GTF3C2: variants seen among roughly 807,000 people sequenced by gnomAD.
The protein encoded by GTF3C2 is general transcription factor 3C polypeptide 2.
In GTF3C2, 17 loss-of-function variants were observed where a neutral mutation model predicts 117.4. The ratio of observed to expected loss-of-function variants is 0.14; its 90% CI spans 0.10 to 0.22. The LOEUF (loss-of-function observed/expected upper bound fraction) is 0.22. Ranked by LOEUF, GTF3C2 falls within the 10% of genes least tolerant of loss-of-function variation. GTF3C2 has a pLI of 1.00. For synonymous variants in GTF3C2, 437 were observed against 427.0 expected (o/e 1.02, Z -0.29); for missense variants, 888 against 1,143.6 (o/e 0.78, Z 3.22).
exon 3 of GTF3C2, chr2:27,342,883 G>T: frequency 6.2e-7 from 1 of 1,614,138 alleles, no homozygotes; most frequent in Non-Finnish European, 8.5e-7. Context: ...GTCCTCAGGG[G>T]GCCTCTTTGG....
At position 27,329,296 on chromosome 2, in the gene GTF3C2, G is replaced by C; in HGVS notation, c.1878-14C>G. The stretch of plus-strand genomic sequence containing the variant: ...ACAAGGAAATGGCTGTAAAAAGACG[G>C]GAGAAGGTCAAATCCAAACAAATCC... On this transcript the variant is annotated splice_polypyrimidine_tract_variant and intron_variant, in intron 13 of 18. Transcript: ENST00000264720. This position sits in a 1 kb window ranked among gnomAD's most constrained non-coding sequence, Gnocchi z 4.5. The C allele has an allele frequency of 6.2e-7, 1 of 1,614,104 alleles. No individual in the cohort carries two copies. The highest frequency in any genetic ancestry group is 8.5e-7 in the Non-Finnish European group (1 of 1,180,004).
intron 1 of GTF3C2, among the ~76,000 whole-genome samples, chr2:27,349,068 C>G (rs989352646): frequency 6.6e-6 from 1 of 151,564 alleles, no homozygotes; most frequent in Non-Finnish European, 1.5e-5. Flanking sequence ...AACTCCTGAC[C>G]TCAAGTGATC....
intron 12 of GTF3C2, 169 bp downstream of exon 12, chr2:27,333,486 G>A: frequency 1.7e-6 from 1 of 578,832 alleles, no homozygotes; most frequent in Non-Finnish European, 3.1e-6. Flanking sequence ...TTTTTTCTGA[G>A]TAGAAATAGT....
intron 10 of GTF3C2, chr2:27,335,263 AG>A: frequency 2.0e-6 from 1 of 500,626 alleles, no homozygotes; most frequent in East Asian, 5.9e-5. Context: ...ACAAGAGTAT[AG>A]CAGGGGAGAT....
rs1448376113 is a variant in GTF3C2, at chr2:27,353,895, A to AT, written c.-25+2843dup. On this transcript the variant is annotated intron_variant, in intron 1 of 18. Transcript: ENST00000264720. The stretch of plus-strand genomic sequence containing the variant: ...ACACCAGCAGGCCTAGCTAATTTTT[A>AT]TTTTTTTTGTAGAGACAGGGTCTCA... 4.0e-5 allele frequency among the ~76,000 whole-genome samples: 6 copies of AT among 151,296 alleles called. No homozygotes were observed. In the East Asian group the frequency reaches 5.8e-4, roughly 15 times the overall value.
rs545873225 is a variant in GTF3C2 at position 27,335,745 on chromosome 2, G to T, written c.1468-39C>A. ...GGTATGCTGAGGCTTGCTGCCTTCA[G>T]CTGACTCACAGAAAACCTTTGAGGT... On this transcript the variant is annotated intron_variant, in intron 9 of 18. Transcript: ENST00000264720. 22 of 1,375,172 alleles carry T rather than the reference G, an allele frequency of 1.6e-5. No homozygotes were observed. In the South Asian group the frequency reaches 2.7e-4, roughly 17 times the overall value. 85.2% of individuals were successfully genotyped at this position (1,375,172 alleles called of 1,614,324 possible).
chr2:27,338,460 GCACACACACACA>G (rs59913490), intron 4 of GTF3C2, among the ~76,000 whole-genome samples: 1 of 76,122 alleles, frequency 1.3e-5, no homozygotes, highest in Non-Finnish European at 3.5e-5. Context: ...GCGCACGCGC[GCACACACACACA>G]CACACACACA....
At chr2:27,355,516 G>GT (rs1286563787) in intron 1 of GTF3C2, among the ~76,000 whole-genome samples, 3 of 145,366 alleles carry the variant, frequency 2.1e-5, no homozygotes, top group South Asian at 2.1e-4. Context: ...ACAAAACTCC[G>GT]TATCAAAAAA....
intron 1 of GTF3C2, among the ~76,000 whole-genome samples, chr2:27,354,362 G>C (rs1681250614): frequency 6.6e-6 from 1 of 152,162 alleles, no homozygotes; most frequent in African/African-American, 2.4e-5. Flanking sequence ...ACGTCTACAG[G>C]AGAAAAACCT....
Position 27,355,881 on chromosome 2 carries a change from A to C in GTF3C2, c.-25+858T>G, listed in dbSNP as rs1464210540. On this transcript the variant is annotated intron_variant, in intron 1 of 18. Transcript: ENST00000264720. ...TAGTGCTTTTATTTCAACTTACATAAACAATTATAAGTAGCCCATGAAACC... is the reference window on the plus strand; with the variant it reads ...TAGTGCTTTTATTTCAACTTACATACACAATTATAAGTAGCCCATGAAACC... 2.6e-5 allele frequency among the ~76,000 whole-genome samples: 4 copies of C among 152,218 alleles called. No individual in the cohort carries two copies. In the East Asian group the frequency reaches 7.7e-4, roughly 29 times the overall value.
chr2:27,344,158 G>C (rs1680838619), intron 1 of GTF3C2, among the ~76,000 whole-genome samples: 1 of 151,882 alleles, frequency 6.6e-6, no homozygotes, highest in South Asian at 2.1e-4. Flanking sequence ...CTGAGTAGCT[G>C]GGATCAAGGT....
At chr2:27,343,666 C>T (rs1350375536) in intron 1 of GTF3C2, 88 bp from the exon 2 acceptor site, 30 of 1,080,320 alleles carry the variant, frequency 2.8e-5, no homozygotes, top group Non-Finnish European at 4.1e-5. Context: ...CTCCCTCATT[C>T]TCACACTCAT....
intron 1 of GTF3C2, among the ~76,000 whole-genome samples, chr2:27,349,051 G>A (rs923716840): frequency 6.6e-6 from 1 of 151,662 alleles, no homozygotes; most frequent in Admixed American, 6.6e-5. Context: ...TGGCCAGGCT[G>A]GTCTCAAACT....
At chr2:27,333,620 C>CA (rs1558614224) in intron 12 of GTF3C2, 35 bp downstream of exon 12, 1 of 1,487,192 alleles carries the variant, frequency 6.7e-7, no homozygotes, top group Admixed American at 1.8e-5. Context: ...ATTTAAAGAG[C>CA]AATAGTTCCT....
In GTF3C2 at chr2:27,332,127, TAATTA is replaced by T. The variant is rs775422089; in HGVS notation, c.1732+1523_1732+1527del. The stretch of plus-strand genomic sequence containing the variant: ...CTTTTTCTTCTATAAAATTAAGATA[TAATTA>T]AATTTAATACATTTTTAGAATACTT... On this transcript the variant is annotated intron_variant, in intron 12 of 18. Transcript: ENST00000264720. 2.1e-4 allele frequency among the ~76,000 whole-genome samples: 32 copies of T among 152,262 alleles called. 1 individual carries two copies. The highest frequency in any genetic ancestry group is 3.7e-4 in the Non-Finnish European group (25 of 68,024).
At chr2:27,345,867 C>T (rs978526143) in intron 1 of GTF3C2, among the ~76,000 whole-genome samples, 5 of 151,454 alleles carry the variant, frequency 3.3e-5, no homozygotes, top group Non-Finnish European at 7.4e-5. Context: ...GTGCCCGCCA[C>T]CACACCCAGC....
chr2:27,326,996 G>C (rs1680097732), intron 18 of GTF3C2, 103 bp from the exon 19 acceptor site: 1 of 769,112 alleles, frequency 1.3e-6, no homozygotes. Context: ...CAATCTGAAA[G>C]GACAGGACCA....
intron 1 of GTF3C2, among the ~76,000 whole-genome samples, chr2:27,348,967 G>A (rs2148331397): frequency 6.6e-6 from 1 of 151,914 alleles, no homozygotes; most frequent in South Asian, 2.1e-4. Flanking sequence ...CTCCCCAGTA[G>A]CTAGGATTAC....
intron 1 of GTF3C2, among the ~76,000 whole-genome samples, chr2:27,351,553 A>G (rs1681140709): frequency 6.6e-6 from 1 of 152,230 alleles, no homozygotes; most frequent in South Asian, 2.1e-4. Flanking sequence ...ACTAAATAGG[A>G]GAGCCGCTTC....
Sources: gnomAD v4.1 joint callset for allele counts (sites outside exome capture counted in the v4.1 genomes callset) on GRCh38, gnomAD v4.1.1 for gene constraint, Gnocchi (gnomAD v3.1) non-coding constraint, MANE v1.5 for transcripts, NCBI Gene and HGNC (gene_info 2026-07-23, HGNC 2026-07-21) for gene names.